ABLIM2: variants seen among roughly 807,000 people sequenced by gnomAD.
ABLIM2 encodes the protein actin binding LIM protein family member 2, also known as actin-binding LIM protein 2.
Under a neutral mutation model 97.7 loss-of-function variants are expected in ABLIM2, and 53 were observed. The ratio of observed to expected loss-of-function variants is 0.54; its 90% CI spans 0.44 to 0.68. The LOEUF (loss-of-function observed/expected upper bound fraction) is 0.68, where lower values mean the gene tolerates loss of function less well. ABLIM2 is among the 30% of genes least tolerant of loss of function. ABLIM2 has a pLI of 0.00. For missense variants in ABLIM2, 835 were observed against 867.2 expected, an observed-to-expected ratio of 0.96 and a Z score of 0.47; for synonymous variants, 361 against 345.8, an observed-to-expected ratio of 1.04 and a Z score of -0.49.
chr4:7,978,638 G>C (rs185403390), intron 20 of ABLIM2, among the ~76,000 whole-genome samples: 28 of 152,220 alleles, frequency 1.8e-4, no homozygotes, highest in Non-Finnish European at 4.0e-4. Flanking sequence ...CACGCCCTTT[G>C]AGGAACAAAG....
At position 8,088,278 on chromosome 4, in the gene ABLIM2, G is replaced by A. The variant is rs746440686; in HGVS notation, c.345C>T (p.Pro115=). The change falls in exon 4 of 21, where the codon CCC becomes CCT. Residue 115 remains proline (P), a synonymous_variant. Transcript: ENST00000447017. ...AGGTCACTCGGTCCCCGGGGGGGAA[G>A]GGCAGCCTGAAACAAGAGAGCTCGT... is the stretch of plus-strand genomic sequence containing the variant. ...DCFVCAVCRL[P]FPPGDRVTFN... is the part of the protein sequence containing the mutation. 1 of 1,612,134 alleles carries A rather than the reference G, an allele frequency of 6.2e-7. No individual in the cohort carries two copies. The highest frequency in any genetic ancestry group is 8.5e-7 in the Non-Finnish European group (1 of 1,179,200).
intron 6 of ABLIM2, among the ~76,000 whole-genome samples, chr4:8,076,813 T>TG (rs34977549): frequency 7.7e-5 from 4 of 51,714 alleles, no homozygotes; most frequent in African/African-American, 3.1e-4. Context: ...GGCTGCAGGG[T>TG]GGGGGGTCTG....
In ABLIM2 at chr4:8,042,960, G is replaced by A. The variant is rs181971970; in HGVS notation, c.900+2204C>T. Among the ~76,000 whole-genome samples the A allele has an allele frequency of 2.6e-3, 393 of 151,852 alleles. 1 individual carries two copies. Among genetic ancestry groups the A allele is most frequent in the South Asian group, 0.018 (86 of 4,796 alleles). On this transcript the variant is annotated intron_variant, in intron 9 of 20. Coordinates refer to ENST00000447017, the MANE Select transcript of ABLIM2 (RefSeq NM_001130083.2). Reference sequence around the variant, plus strand: ...GAGGCCAGGAGTTCAAGACCAGCCCGGGCAACATAAAAAGACCTCATCTCA... The same window carrying A: ...GAGGCCAGGAGTTCAAGACCAGCCCAGGCAACATAAAAAGACCTCATCTCA...
chr4:8,097,363 C>T, intron 2 of ABLIM2, 81 bp from the exon 3 acceptor site: 1 of 1,461,560 alleles, frequency 6.8e-7, no homozygotes, highest in South Asian at 1.2e-5. Flanking sequence ...CACCCCCCTC[C>T]ACACACACAC....
rs1439358979 is a variant in ABLIM2 at position 7,986,241 on chromosome 4, G to A, written c.1681-1348C>T. On this transcript the variant is annotated intron_variant, in intron 17 of 20. Coordinates refer to ENST00000447017, the MANE Select transcript of ABLIM2 (RefSeq NM_001130083.2). This position sits in a 1 kb window ranked among gnomAD's most constrained non-coding sequence, Gnocchi z 4.3. ...TGTCACAGGGCAAAGTGTTTTCAACGCGAGCTTTGCAGTAGGAAATCAGTG... is the reference window on the plus strand; with the variant it reads ...TGTCACAGGGCAAAGTGTTTTCAACACGAGCTTTGCAGTAGGAAATCAGTG... Among the ~76,000 whole-genome samples, 2 of 152,202 alleles carry A rather than the reference G, an allele frequency of 1.3e-5. No individual in the cohort carries two copies. The highest frequency in any genetic ancestry group is 2.9e-5 in the Non-Finnish European group (2 of 68,036).
At chr4:8,052,509 C>T (rs757009500) in intron 8 of ABLIM2, among the ~76,000 whole-genome samples, 5 of 152,238 alleles carry the variant, frequency 3.3e-5, no homozygotes, top group Non-Finnish European at 5.9e-5. Flanking sequence ...GATTTCATCG[C>T]GTGACTCTTC....
intron 6 of ABLIM2, among the ~76,000 whole-genome samples, chr4:8,077,318 C>T (rs1354506599): frequency 6.6e-6 from 1 of 152,162 alleles, no homozygotes; most frequent in Non-Finnish European, 1.5e-5. Flanking sequence ...TTCCATCTTC[C>T]GTGCCTCTGA....
intron 1 of ABLIM2, among the ~76,000 whole-genome samples, chr4:8,110,976 G>A (rs1840039582): frequency 6.6e-6 from 1 of 152,228 alleles, no homozygotes; most frequent in Non-Finnish European, 1.5e-5. Context: ...CAAATTGTGA[G>A]GACGGCTAGG....
At chr4:8,074,492 C>T (rs1814624944) in intron 6 of ABLIM2, among the ~76,000 whole-genome samples, 1 of 152,096 alleles carries the variant, frequency 6.6e-6, no homozygotes, top group Non-Finnish European at 1.5e-5. Flanking sequence ...CATGTTTCCA[C>T]CTATCAAATT....
chr4:7,977,838 A>G (rs901182366), intron 20 of ABLIM2, among the ~76,000 whole-genome samples: 2 of 146,170 alleles, frequency 1.4e-5, no homozygotes, highest in Non-Finnish European at 3.1e-5. Context: ...AAGGTGGGGC[A>G]GATCAGCATT....
chr4:8,080,449 C>T (rs1269940029), intron 5 of ABLIM2, among the ~76,000 whole-genome samples: 1 of 152,302 alleles, frequency 6.6e-6, no homozygotes, highest in Non-Finnish European at 1.5e-5. Context: ...GCTGCAAATG[C>T]CGTTAGAGAA....
rs34195989 is a variant in ABLIM2 at position 8,145,745 on chromosome 4, TACACACACACAC to T, written c.10+12923_10+12934del. On this transcript the variant is annotated intron_variant, in intron 1 of 20. Coordinates refer to ENST00000447017, the MANE Select transcript of ABLIM2 (RefSeq NM_001130083.2). ...AAATTATCCCCAGACTACACACTCA[TACACACACACAC>T]ACACACACACACACACACACACACA... Among the ~76,000 whole-genome samples, 154 of 138,676 alleles carry T rather than the reference TACACACACACAC, an allele frequency of 1.1e-3. 1 individual carries two copies. Among genetic ancestry groups the T allele is most frequent in the African/African-American group, 1.4e-3 (53 of 37,466 alleles). The allele number at this position is 138,676 out of a possible 152,430, so 91.0% of individuals were successfully genotyped here.
chr4:8,045,180 GGA>G lies in ABLIM2; in HGVS notation c.882_883del (p.Pro295GlufsTer11). On this transcript the variant is annotated frameshift_variant, in exon 9 of 21. Coordinates refer to ENST00000447017, the MANE Select transcript of ABLIM2 (RefSeq NM_001130083.2). LOFTEE classifies it high-confidence loss of function. The stretch of plus-strand genomic sequence containing the variant: ...CTGACTTACATAAATCACACGGCTC[GGA>G]GACCCTGAGGTGCTGGAAGCAGGGA... 6.2e-7 allele frequency: 1 copy of G among 1,613,864 alleles called. No homozygotes were observed. The highest frequency in any genetic ancestry group is 8.5e-7 in the Non-Finnish European group (1 of 1,179,790).
intron 14 of ABLIM2, among the ~76,000 whole-genome samples, chr4:8,009,492 G>A (rs1763496588): frequency 6.6e-6 from 1 of 152,146 alleles, no homozygotes; most frequent in East Asian, 1.9e-4. Flanking sequence ...CGCCTCCCAG[G>A]TTCAAGCGAT....
At chr4:8,143,439 C>G (rs143103951) in intron 1 of ABLIM2, among the ~76,000 whole-genome samples, 16 of 152,250 alleles carry the variant, frequency 1.1e-4, no homozygotes, top group East Asian at 1.9e-4. Flanking sequence ...GCACCCTACC[C>G]AGGGCCTAAG....
At position 8,149,565 on chromosome 4, in the gene ABLIM2, G is replaced by A. The variant is rs926946201; in HGVS notation, c.10+9115C>T. On this transcript the variant is annotated intron_variant, in intron 1 of 20. Transcript: ENST00000447017. The surrounding 1 kb of genome is among the most constrained non-coding windows in gnomAD (Gnocchi z 6.4). Reference sequence around the variant, plus strand: ...AAGCTTCACAGAGGCCCTGGAGTCCGGCAGAGCCTTGAAAGGGAGAGGAGG... The same window carrying A: ...AAGCTTCACAGAGGCCCTGGAGTCCAGCAGAGCCTTGAAAGGGAGAGGAGG... 8.6e-5 allele frequency among the ~76,000 whole-genome samples: 13 copies of A among 151,960 alleles called. No individual in the cohort carries two copies. The highest frequency in any genetic ancestry group is 3.1e-4 in the African/African-American group (13 of 41,462).
chr4:7,984,161 G>A (rs565693534), intron 18 of ABLIM2, among the ~76,000 whole-genome samples: 3 of 152,356 alleles, frequency 2.0e-5, no homozygotes, highest in East Asian at 3.9e-4. Context: ...GCCAGTCTCG[G>A]AAGGGAGACC....
intron 5 of ABLIM2, among the ~76,000 whole-genome samples, chr4:8,078,614 G>A (rs544147845): frequency 9.2e-5 from 14 of 152,370 alleles, no homozygotes; most frequent in African/African-American, 3.4e-4. Context: ...CACACTCGGT[G>A]TGGGGAGGCG....
intron 2 of ABLIM2, among the ~76,000 whole-genome samples, chr4:8,103,864 T>G (rs1835903037): frequency 6.6e-6 from 1 of 152,256 alleles, no homozygotes; most frequent in African/African-American, 2.4e-5. Context: ...TCTGTGCTTA[T>G]GGAAATCCTT....
Sources: allele counts gnomAD v4.1 joint callset (sites outside exome capture counted in the v4.1 genomes callset), GRCh38; gene constraint gnomAD v4.1.1; non-coding constraint Gnocchi (gnomAD v3.1); transcripts MANE v1.5; gene names NCBI Gene and HGNC (gene_info 2026-07-23, HGNC 2026-07-21).